VSIG10: variants seen among roughly 807,000 people sequenced by gnomAD.
VSIG10 encodes V-set and immunoglobulin domain containing 10.
Under a neutral mutation model 58.7 loss-of-function variants are expected in VSIG10, and 48 were observed. The observed-to-expected ratio is 0.82, with a 90% CI of 0.65 to 1.04. The LOEUF is 1.04. Among genes scored for constraint, VSIG10 ranks in the 50% least tolerant of loss-of-function variants. VSIG10 has a pLI of 0.00. For missense variants in VSIG10, 628 were observed against 670.0 expected (o/e 0.94, Z 0.69); for synonymous variants, 260 against 267.1 (o/e 0.97, Z 0.26).
chr12:118,094,981 G>A (rs1275953060), intron 2 of VSIG10, among the ~76,000 whole-genome samples: 1 of 150,544 alleles, frequency 6.6e-6, no homozygotes, highest in Non-Finnish European at 1.5e-5. Flanking sequence ...TTGGCTCACT[G>A]CAACCTCCGC....
chr12:118,072,861 AAT>A (rs1322371483), intron 5 of VSIG10, among the ~76,000 whole-genome samples: 26 of 152,308 alleles, frequency 1.7e-4, no homozygotes, highest in African/African-American at 4.6e-4. Flanking sequence ...ATAAACAATG[AAT>A]AGTTTTTTTA....
chr12:118,068,194 C>CTTTTT (rs71069404), intron 8 of VSIG10, among the ~76,000 whole-genome samples, 183 bp downstream of exon 8: 9 of 100,280 alleles, frequency 9.0e-5, no homozygotes, highest in Non-Finnish European at 1.2e-4. Context: ...GCTAATTTTT[C>CTTTTT]TTTTTTTTTT....
At chr12:118,068,005 A>G (rs2032314635) in intron 8 of VSIG10, among the ~76,000 whole-genome samples, 1 of 144,220 alleles carries the variant, frequency 6.9e-6, no homozygotes, top group Non-Finnish European at 1.5e-5. Context: ...TCACCGCAGC[A>G]GTTCAGAGGT....
chr12:118,093,027 C>T (rs183258192), intron 2 of VSIG10, among the ~76,000 whole-genome samples: 100 of 151,892 alleles, frequency 6.6e-4, no homozygotes, highest in Middle Eastern at 6.8e-3. Context: ...TGGTGGCTCA[C>T]GCCTGTAATC....
chr12:118,069,105 T>C (rs1207670068), intron 7 of VSIG10, among the ~76,000 whole-genome samples: 2 of 149,152 alleles, frequency 1.3e-5, no homozygotes, highest in Admixed American at 6.7e-5. Flanking sequence ...TTTTTTCTTT[T>C]TCGGGATAGA....
intron 2 of VSIG10, among the ~76,000 whole-genome samples, chr12:118,091,719 T>C (rs2033304492): frequency 6.6e-6 from 1 of 152,068 alleles, no homozygotes; most frequent in Non-Finnish European, 1.5e-5. Context: ...TCCAGAACAG[T>C]GATCACATGG....
At chr12:118,095,474 TC>T in intron 2 of VSIG10, 58 bp downstream of exon 2, 1 of 1,593,972 alleles carries the variant, frequency 6.3e-7, no homozygotes, top group Non-Finnish European at 8.6e-7. Context: ...GACCATGGTC[TC>T]CTCCTTTCCA....
intron 2 of VSIG10, among the ~76,000 whole-genome samples, chr12:118,087,517 A>G (rs76521720): frequency 1.6e-3 from 249 of 152,242 alleles, no homozygotes; most frequent in African/African-American, 5.8e-3. Context: ...AGGCCATGTT[A>G]GAATGTTTCC....
At chr12:118,094,434 A>G (rs2033385872) in intron 2 of VSIG10, among the ~76,000 whole-genome samples, 1 of 152,032 alleles carries the variant, frequency 6.6e-6, no homozygotes, top group Non-Finnish European at 1.5e-5. Flanking sequence ...CCCAGGCTGG[A>G]GTGCAGTGGC....
chr12:118,100,063 G>A (rs1046232540), intron 1 of VSIG10, among the ~76,000 whole-genome samples: 2 of 152,236 alleles, frequency 1.3e-5, no homozygotes, highest in African/African-American at 4.8e-5. Flanking sequence ...ATGCTTCTGA[G>A]CAATCACTTT....
In VSIG10 at chr12:118,095,331, G is replaced by A. The variant is rs201976493; in HGVS notation, c.361+202C>T. 3.3e-5 allele frequency among the ~76,000 whole-genome samples: 5 copies of A among 152,298 alleles called. No homozygotes were observed. The East Asian group carries it at 7.7e-4, about 24-fold the overall frequency. On this transcript the variant is annotated intron_variant, in intron 2 of 8. Transcript: ENST00000359236. ...GCTGGGATTACAGGCATGAGCCACT[G>A]CGCCCGGCCACAGAAATTCTTTTTA...
chr12:118,075,202 G>A (rs1242735807), intron 4 of VSIG10, among the ~76,000 whole-genome samples: 2 of 146,172 alleles, frequency 1.4e-5, no homozygotes, highest in African/African-American at 5.3e-5. Context: ...ATATGTGTGT[G>A]TGTGTATATA....
chr12:118,080,869 G>A (rs148413624), intron 3 of VSIG10, among the ~76,000 whole-genome samples: 22 of 152,262 alleles, frequency 1.4e-4, no homozygotes, highest in African/African-American at 5.3e-4. Flanking sequence ...CAGGTCTGGG[G>A]AAAAGAGGGA....
At chr12:118,073,583 CT>C in intron 5 of VSIG10, 115 bp downstream of exon 5, 1 of 1,225,784 alleles carries the variant, frequency 8.2e-7, no homozygotes, top group Non-Finnish European at 1.1e-6. Context: ...GCAGATATGC[CT>C]TCTCCCAGTT....
chr12:118,075,186 A>ATATATATATGTATATATGTGTG (rs1566159894), intron 4 of VSIG10, among the ~76,000 whole-genome samples: 1 of 32,856 alleles, frequency 3.0e-5, no homozygotes, highest in African/African-American at 1.6e-4. Context: ...ATATGTGTGT[A>ATATATATATGTATATATGTGTG]TATATATATG....
At position 118,073,720 on chromosome 12, in the gene VSIG10, C is replaced by A; in HGVS notation, c.1198G>T (p.Glu400Ter). 1 of 1,611,490 alleles carries A rather than the reference C, an allele frequency of 6.2e-7. No homozygotes were observed. Among genetic ancestry groups the A allele is most frequent in the South Asian group, 1.1e-5 (1 of 90,818 alleles). The change falls in exon 5 of 9, where the codon GAA (glutamate) becomes TAA (stop). Residue 400 changes from glutamate to a stop codon, truncating the protein, a stop_gained. Coordinates refer to ENST00000359236, the MANE Select transcript of VSIG10 (RefSeq NM_019086.6). LOFTEE classifies it high-confidence loss of function. The part of the protein sequence containing the change: ...ADSPVGVREM[E>*]IWLSVKEPLN... ...TCACCTTTCACACTCAGCCAGATTT[C>A]CATCTCCCTCACCCCTACAGGGCTG...
chr12:118,073,581 G>T (rs2032585930), intron 5 of VSIG10, 118 bp downstream of exon 5: 2 of 1,181,194 alleles, frequency 1.7e-6, no homozygotes, highest in Non-Finnish European at 2.4e-6. Context: ...AAGCAGATAT[G>T]CCTTCTCCCA....
chr12:118,081,832 C>CA (rs2032959375), intron 3 of VSIG10, among the ~76,000 whole-genome samples: 2 of 152,132 alleles, frequency 1.3e-5, no homozygotes, highest in Non-Finnish European at 2.9e-5. Flanking sequence ...GCCTGACCAA[C>CA]ATGGAGAAAC....
intron 4 of VSIG10, among the ~76,000 whole-genome samples, chr12:118,077,865 G>A (rs184138309): frequency 6.8e-4 from 104 of 152,158 alleles, no homozygotes; most frequent in Non-Finnish European, 1.0e-3. Context: ...CAATTCTTCC[G>A]GCTGACACCC....
Sources: allele counts gnomAD v4.1 joint callset (sites outside exome capture counted in the v4.1 genomes callset), GRCh38; gene constraint gnomAD v4.1.1; transcripts MANE v1.5; gene names NCBI Gene and HGNC (gene_info 2026-07-23, HGNC 2026-07-21).